The following GRM7 variants were observed in gnomAD, a reference collection of about 807,000 sequenced individuals.
GRM7 encodes glutamate metabotropic receptor 7, also known as metabotropic glutamate receptor 7.
Under a neutral mutation model 84.5 loss-of-function variants are expected in GRM7, and 35 were observed. The ratio of observed to expected loss-of-function variants is 0.41; its 90% confidence interval spans 0.32 to 0.55. GRM7 has a LOEUF of 0.55. Ranked by LOEUF, GRM7 falls within the 20% of genes least tolerant of loss-of-function variation. GRM7 has a pLI of 0.19. For missense variants in GRM7, 1,003 were observed against 1,194.6 expected (o/e 0.84, Z 2.36); for synonymous variants, 487 against 455.1 (o/e 1.07, Z -0.89).
intron 1 of GRM7, among the ~76,000 whole-genome samples, chr3:6,930,568 T>C (rs1330410018): frequency 1.3e-5 from 2 of 152,164 alleles, no homozygotes; most frequent in Admixed American, 6.5e-5. Context: ...TGAGTTTAGC[T>C]CTTACTAAAT....
chr3:7,544,109 AAG>A (rs1693024961), intron 7 of GRM7, among the ~76,000 whole-genome samples: 1 of 152,244 alleles, frequency 6.6e-6, no homozygotes, highest in South Asian at 2.1e-4. Flanking sequence ...CTTCTAAGAA[AAG>A]AGAGCATGCT....
chr3:7,269,023 T>C (rs1370852599), intron 2 of GRM7, among the ~76,000 whole-genome samples: 1 of 152,120 alleles, frequency 6.6e-6, no homozygotes, highest in Non-Finnish European at 1.5e-5. Flanking sequence ...ACAAGAATAA[T>C]TTCCCTTTGC....
intron 5 of GRM7, among the ~76,000 whole-genome samples, chr3:7,448,074 T>G (rs1462578254): frequency 6.6e-6 from 1 of 151,900 alleles, no homozygotes; most frequent in South Asian, 2.1e-4. Context: ...ACAAAGGACA[T>G]GAACTCATCA....
intron 1 of GRM7, among the ~76,000 whole-genome samples, chr3:6,996,621 C>T (rs1257150670): frequency 6.6e-6 from 1 of 152,122 alleles, no homozygotes; most frequent in Non-Finnish European, 1.5e-5. Flanking sequence ...GATAAAATGA[C>T]CCAACTTCTC....
chr3:7,649,068 G>T (rs1253762232), intron 8 of GRM7, among the ~76,000 whole-genome samples: 2 of 151,742 alleles, frequency 1.3e-5, no homozygotes, highest in African/African-American at 4.8e-5. Context: ...ATGAAATTCA[G>T]ATTTTCTTTT....
intron 5 of GRM7, among the ~76,000 whole-genome samples, chr3:7,434,823 G>T (rs1696977167): frequency 6.6e-6 from 1 of 152,048 alleles, no homozygotes; most frequent in Non-Finnish European, 1.5e-5. Flanking sequence ...GTTAGAAAAT[G>T]TCCCCACCTC....
At position 7,290,133 on chromosome 3, in the gene GRM7, T is replaced by G. The variant is rs191318832; in HGVS notation, c.737-8551T>G. ...AAATATGAAAGTTGCTTAATAAATA[T>G]TTTTTAAATGAATACATGAATCTAA... On this transcript the variant is annotated intron_variant, in intron 2 of 9. Coordinates refer to ENST00000357716, the MANE Select transcript of GRM7 (RefSeq NM_000844.4). Among the ~76,000 whole-genome samples, 229 of 152,280 alleles carry G rather than the reference T, an allele frequency of 1.5e-3. 2 individuals are homozygous for G. Among genetic ancestry groups the G allele is most frequent in the African/African-American group, 5.3e-3 (219 of 41,574 alleles).
intron 2 of GRM7, among the ~76,000 whole-genome samples, chr3:7,275,105 T>A (rs1305607405): frequency 6.6e-6 from 1 of 152,188 alleles, no homozygotes. Context: ...GTATTCTTCA[T>A]ATCTAATATA....
intron 9 of GRM7, among the ~76,000 whole-genome samples, chr3:7,717,026 T>G (rs996765574): frequency 1.3e-5 from 2 of 152,168 alleles, no homozygotes; most frequent in Non-Finnish European, 2.9e-5. Flanking sequence ...GGTTCACTTT[T>G]CTGACCACTG....
chr3:7,323,957 G>T (rs1267007937), intron 4 of GRM7, among the ~76,000 whole-genome samples: 3 of 152,110 alleles, frequency 2.0e-5, no homozygotes, highest in Non-Finnish European at 4.4e-5. Flanking sequence ...TAAGATCATG[G>T]ATATGATGGA....
At chr3:7,153,714 T>A (rs1329034780) in intron 2 of GRM7, among the ~76,000 whole-genome samples, 1 of 152,126 alleles carries the variant, frequency 6.6e-6, no homozygotes, top group Non-Finnish European at 1.5e-5. Flanking sequence ...ACTTATGCAA[T>A]ATGTATCTGA....
intron 1 of GRM7, among the ~76,000 whole-genome samples, chr3:7,078,952 A>G (rs543462488): frequency 1.3e-5 from 2 of 152,134 alleles, no homozygotes; most frequent in East Asian, 3.9e-4. Context: ...TATAAGAAAT[A>G]CAATATCGTT....
chr3:7,343,502 C>G (rs1255158851), intron 4 of GRM7, among the ~76,000 whole-genome samples: 9 of 152,194 alleles, frequency 5.9e-5, no homozygotes, highest in African/African-American at 2.2e-4. Context: ...GCATAAGCCA[C>G]TGCTCCTGGC....
At chr3:7,229,722 CACACATATATAT>C (rs1310710188) in intron 2 of GRM7, among the ~76,000 whole-genome samples, 355 of 25,756 alleles carry the variant, frequency 0.014, 48 homozygotes, top group East Asian at 0.13. Context: ...TCCATAGACA[CACACATATATAT>C]ATATATATAT....
intron 1 of GRM7, among the ~76,000 whole-genome samples, chr3:6,934,266 T>C (rs1217625770): frequency 6.6e-6 from 1 of 152,176 alleles, no homozygotes. Context: ...GAAAATCTGT[T>C]TACTAGGAGA....
At chr3:7,068,421 GCA>G (rs1697745217) in intron 1 of GRM7, among the ~76,000 whole-genome samples, 1 of 151,886 alleles carries the variant, frequency 6.6e-6, no homozygotes, top group South Asian at 2.1e-4. Context: ...TAATAGTTAC[GCA>G]CAAAGTACGC....
intron 1 of GRM7, among the ~76,000 whole-genome samples, chr3:7,088,998 T>A (rs1698563794): frequency 6.6e-6 from 1 of 152,220 alleles, no homozygotes; most frequent in African/African-American, 2.4e-5. Flanking sequence ...AAGCCCAGTT[T>A]CTTCCAACCA....
In GRM7 at chr3:7,329,923, A is replaced by T. The variant is rs147180896; in HGVS notation, c.1033+23271A>T. 3.0e-3 allele frequency among the ~76,000 whole-genome samples: 452 copies of T among 151,804 alleles called. 2 individuals carry two copies. Among genetic ancestry groups the T allele is most frequent in the African/African-American group, 0.01 (431 of 41,382 alleles). ...TTAATTTTCCAGTTGTGTAGATGGC[A>T]TATGGATTTAACAAACATTTTGAGG... On this transcript the variant is annotated intron_variant, in intron 4 of 9. Coordinates refer to ENST00000357716, the MANE Select transcript of GRM7 (RefSeq NM_000844.4).
intron 1 of GRM7, among the ~76,000 whole-genome samples, chr3:7,055,765 C>G (rs983709265): frequency 6.6e-6 from 1 of 151,946 alleles, no homozygotes; most frequent in African/African-American, 2.4e-5. Context: ...AAACAATCTG[C>G]CTGCCTTGTC....
Sources: allele counts gnomAD v4.1 joint callset (sites outside exome capture counted in the v4.1 genomes callset), GRCh38; gene constraint gnomAD v4.1.1; transcripts MANE v1.5; gene names NCBI Gene and HGNC (gene_info 2026-07-23, HGNC 2026-07-21).